Variants in ARHGAP32 observed in about 807,000 individuals in gnomAD.
ARHGAP32 encodes the protein Rho GTPase activating protein 32, also known as rho GTPase-activating protein 32.
In ARHGAP32, 51 loss-of-function variants were observed where a neutral mutation model predicts 186.5. The observed-to-expected ratio is 0.27, with a 90% confidence interval of 0.22 to 0.35. The LOEUF is 0.35. Among genes scored for constraint, ARHGAP32 ranks in the 10% least tolerant of loss-of-function variants. ARHGAP32 has a pLI of 1.00. For missense variants in ARHGAP32, 2,186 were observed against 2,623.5 expected (o/e 0.83, Z 3.64); for synonymous variants, 950 against 964.3 (o/e 0.99, Z 0.27).
intron 1 of ARHGAP32, among the ~76,000 whole-genome samples, chr11:129,209,406 T>G (rs1234010845): frequency 6.6e-6 from 1 of 151,014 alleles, no homozygotes; most frequent in East Asian, 1.9e-4. Context: ...AGAAAAAAAG[T>G]AGGATTCTAA....
chr11:129,231,316 T>C (rs1344530360), intron 1 of ARHGAP32, among the ~76,000 whole-genome samples: 1 of 152,140 alleles, frequency 6.6e-6, no homozygotes, highest in Non-Finnish European at 1.5e-5. Flanking sequence ...ACAGATGAAA[T>C]CTCAGTACAG....
chr11:129,196,456 A>G (rs1301150961), upstream of ARHGAP32, among the ~76,000 whole-genome samples: 1 of 152,236 alleles, frequency 6.6e-6, no homozygotes, highest in African/African-American at 2.4e-5. Context: ...GAGATGATTT[A>G]AAGTATGAGA....
At chr11:129,102,746 T>C (rs1299364203) in intron 5 of ARHGAP32, among the ~76,000 whole-genome samples, 1 of 152,130 alleles carries the variant, frequency 6.6e-6, no homozygotes, top group Non-Finnish European at 1.5e-5. Context: ...ACTAAAACCC[T>C]TGTACATTGT....
chr11:129,067,018 G>A (rs1940716650), intron 6 of ARHGAP32, 150 bp from the exon 7 acceptor site: 1 of 657,204 alleles, frequency 1.5e-6, no homozygotes, highest in Non-Finnish European at 2.5e-6. Flanking sequence ...AGCTAAAACT[G>A]TGAAACACTC....
chr11:129,046,316 C>T (rs914355519), intron 10 of ARHGAP32, among the ~76,000 whole-genome samples: 3 of 152,082 alleles, frequency 2.0e-5, no homozygotes, highest in African/African-American at 7.3e-5. Flanking sequence ...GTTTTTAATA[C>T]AATTCATTTC....
intron 2 of ARHGAP32, among the ~76,000 whole-genome samples, chr11:129,150,553 T>C (rs1031005287): frequency 6.6e-6 from 1 of 152,086 alleles, no homozygotes; most frequent in African/African-American, 2.4e-5. Context: ...AGAGACTGGG[T>C]TCCCATCTTT....
chr11:129,088,004 A>T (rs1423273969), intron 6 of ARHGAP32, among the ~76,000 whole-genome samples: 3 of 152,238 alleles, frequency 2.0e-5, no homozygotes, highest in South Asian at 4.1e-4. Context: ...TGCCTTCGGG[A>T]GCTTCAAAAA....
intron 6 of ARHGAP32, among the ~76,000 whole-genome samples, chr11:129,076,683 T>C (rs1415893969): frequency 6.6e-6 from 1 of 152,078 alleles, no homozygotes; most frequent in Non-Finnish European, 1.5e-5. Context: ...AAAGCAGTGC[T>C]TAGAGAAAAA....
chr11:128,969,400 C>T lies in ARHGAP32; in HGVS notation c.5813G>A (p.Gly1938Glu). The change falls in exon 23 of 23, where the codon GGA becomes GAA. Residue 1938 changes from glycine (G) to glutamate (E), a missense_variant. Gly to Glu is a moderately conservative substitution (Grantham distance 98). Around this residue, in one of 5 missense-constraint regions of ARHGAP32, gnomAD observed 1,502 missense variants for 1,570.0 expected, o/e 0.96. Transcript: ENST00000682385. The surrounding 1 kb of genome is among the most constrained non-coding windows in gnomAD (Gnocchi z 4.8). ...TSEPVSYHNS[G>E]VKYAASGQES... ...TTGCCCGGATGCAGCATATTTTACT[C>T]CAGAGTTGTGGTAGCTGACTGGCTC... 1 of 1,614,194 alleles carries T rather than the reference C, an allele frequency of 6.2e-7. No individual in the cohort carries two copies. The highest frequency in any genetic ancestry group is 1.3e-5 in the African/African-American group (1 of 75,044).
At chr11:129,227,238 G>A (rs1196320615) in intron 1 of ARHGAP32, among the ~76,000 whole-genome samples, 10 of 151,302 alleles carry the variant, frequency 6.6e-5, no homozygotes, top group Non-Finnish European at 7.4e-5. Flanking sequence ...TAATCCCCAG[G>A]GCAACCACTA....
intron 1 of ARHGAP32, among the ~76,000 whole-genome samples, chr11:129,277,851 T>C (rs568382871): frequency 6.6e-6 from 1 of 152,330 alleles, no homozygotes; most frequent in Admixed American, 6.5e-5. Context: ...TGAGGTCATG[T>C]TGTAGTAGTA....
chr11:129,167,856 A>G (rs1002768975), intron 1 of ARHGAP32, among the ~76,000 whole-genome samples: 7 of 152,234 alleles, frequency 4.6e-5, no homozygotes, highest in African/African-American at 1.4e-4. Context: ...TACACTTTAA[A>G]AGTGAATCAC....
At chr11:129,208,286 A>G (rs1193250566) in intron 1 of ARHGAP32, among the ~76,000 whole-genome samples, 1 of 152,176 alleles carries the variant, frequency 6.6e-6, no homozygotes, top group African/African-American at 2.4e-5. Flanking sequence ...TCAAGAAAAG[A>G]TTTAACTGTA....
At chr11:129,209,145 T>C (rs546751684) in intron 1 of ARHGAP32, among the ~76,000 whole-genome samples, 2 of 152,150 alleles carry the variant, frequency 1.3e-5, no homozygotes, top group Admixed American at 6.6e-5. Context: ...ATACACACAA[T>C]CTCATTAATA....
At chr11:129,245,587 C>T (rs1422480550) in intron 1 of ARHGAP32, among the ~76,000 whole-genome samples, 3 of 148,380 alleles carry the variant, frequency 2.0e-5, no homozygotes. Context: ...TACCCTAAAA[C>T]TTAAAGTATA....
chr11:129,262,101 T>C lies in ARHGAP32; in HGVS notation c.-5+17045A>G, dbSNP rs538705182. Among the ~76,000 whole-genome samples, 5 of 152,260 alleles carry C rather than the reference T, an allele frequency of 3.3e-5. No homozygotes were observed. In the South Asian group the frequency reaches 8.3e-4, roughly 25 times the overall value. On this transcript the variant is annotated intron_variant, in intron 1 of 6. Transcript: ENST00000525234. ...AATGTTCACGAACAATATTTACTTA[T>C]GAAAGAATAAACCTGGCATGCCAGA... is the stretch of plus-strand genomic sequence containing the variant.
At chr11:129,046,586 G>A (rs1483583025) in intron 10 of ARHGAP32, among the ~76,000 whole-genome samples, 1 of 152,134 alleles carries the variant, frequency 6.6e-6, no homozygotes, top group Non-Finnish European at 1.5e-5. Flanking sequence ...CTACCTTGGG[G>A]AATACTCAGA....
intron 1 of ARHGAP32, among the ~76,000 whole-genome samples, chr11:129,173,015 AG>A (rs1943802525): frequency 6.6e-6 from 1 of 151,102 alleles, no homozygotes; most frequent in Non-Finnish European, 1.5e-5. Context: ...CAACAAATCC[AG>A]GGGCTGTTTT....
Position 129,123,467 on chromosome 11 carries a change from A to G in ARHGAP32, c.423T>C (p.Asn141=), listed in dbSNP as rs745347973. The part of the protein sequence containing the change: ...MAECAHFHYE[N]VEFGSIQLSL... ...ATACCTGTATGCTGCCGAACTCAAC[A>G]TTCTCATAATGGAAATGCGCACATT... The change falls in exon 5 of 23, where the codon AAT becomes AAC. Residue 141 remains asparagine, a synonymous_variant. Coordinates refer to ENST00000682385, the MANE Select transcript of ARHGAP32 (RefSeq NM_001378024.1). The surrounding 1 kb of genome is among the most constrained non-coding windows in gnomAD (Gnocchi z 4.6). 2.5e-6 allele frequency: 4 copies of G among 1,612,898 alleles called. No homozygotes were observed. The Admixed American group carries it at 5.0e-5, about 20-fold the overall frequency.
Sources: gnomAD v4.1 joint callset for allele counts (sites outside exome capture counted in the v4.1 genomes callset) on GRCh38, gnomAD v4.1.1 for gene constraint, gnomAD v4.1.1 regional missense constraint, Gnocchi (gnomAD v3.1) non-coding constraint, MANE v1.5 for transcripts, NCBI Gene and HGNC (gene_info 2026-07-23, HGNC 2026-07-21) for gene names.